C1orf159: variants seen among roughly 807,000 people sequenced by gnomAD.
C1orf159 encodes the protein uncharacterized protein C1orf159.
C1orf159 carries 19 observed loss-of-function variants against 25.6 expected under a neutral mutation model. The observed-to-expected ratio is 0.74, with a 90% CI of 0.52 to 1.09. C1orf159 has a LOEUF of 1.09. Among genes scored for constraint, C1orf159 ranks in the 50% least tolerant of loss-of-function variants. The pLI, the probability that C1orf159 is intolerant of heterozygous loss-of-function variation, is 0.00. For synonymous variants in C1orf159, 139 were observed against 124.7 expected (o/e 1.12, Z -0.77); for missense variants, 274 against 290.6 (o/e 0.94, Z 0.42).
intron 1 of C1orf159, among the ~76,000 whole-genome samples, chr1:1,101,564 T>C (rs187932368): frequency 2.3e-3 from 357 of 152,220 alleles, no homozygotes; most frequent in Admixed American, 7.7e-3. Flanking sequence ...TCATGGTCTA[T>C]CGGCTCAGGG....
chr1:1,087,083 A>G lies in C1orf159; in HGVS notation c.310+56T>C. ...AGGGTGAGGGTCTGCACTGGCTCCG[A>G]CGGCCCCCAGCCCCCAGGACACCGG... On this transcript the variant is annotated intron_variant, in intron 6 of 9. Transcript: ENST00000421241. The surrounding 1 kb of genome is among the most constrained non-coding windows in gnomAD (Gnocchi z 8.3). The G allele has an allele frequency of 3.2e-6, 5 of 1,543,662 alleles. No homozygotes were observed. The highest frequency in any genetic ancestry group is 4.4e-6 in the Non-Finnish European group (5 of 1,133,658).
At chr1:1,090,130 C>T (rs1480933991) in intron 4 of C1orf159, among the ~76,000 whole-genome samples, 1 of 152,246 alleles carries the variant, frequency 6.6e-6, no homozygotes, top group Non-Finnish European at 1.5e-5. Context: ...TCCCAGCCCT[C>T]TGCTGGGCCA....
chr1:1,106,514 C>G (rs1646172794), intron 1 of C1orf159: 1 of 152,268 alleles, frequency 6.6e-6, no homozygotes, highest in Non-Finnish European at 1.5e-5. Flanking sequence ...CGCAACTTTA[C>G]TTGTGGTTCT....
chr1:1,086,920 A>G (rs200079805), intron 6 of C1orf159, among the ~76,000 whole-genome samples: 1 of 152,218 alleles, frequency 6.6e-6, no homozygotes, highest in East Asian at 1.9e-4. Flanking sequence ...TCCCCTAACT[A>G]CGGCCCTTTA....
chr1:1,095,961 TG>T (rs1410646694), intron 1 of C1orf159, among the ~76,000 whole-genome samples: 1 of 152,208 alleles, frequency 6.6e-6, no homozygotes, highest in Admixed American at 6.5e-5. Flanking sequence ...TCTAGTAATA[TG>T]GTGACGACAA....
intron 1 of C1orf159, among the ~76,000 whole-genome samples, chr1:1,112,588 C>A (rs140733320): frequency 6.6e-6 from 1 of 151,824 alleles, no homozygotes; most frequent in African/African-American, 2.4e-5. Context: ...CTCCCTCCCC[C>A]CAGTGAATAC....
At chr1:1,101,596 A>C (rs977667849) in intron 1 of C1orf159, among the ~76,000 whole-genome samples, 1 of 151,810 alleles carries the variant, frequency 6.6e-6, no homozygotes, top group Non-Finnish European at 1.5e-5. Context: ...ACATCTATCA[A>C]TCAGCTCAGT....
Position 1,082,747 on chromosome 1 carries a change from CT to C in C1orf159, c.*145del, listed in dbSNP as rs1360917423. ...GCCCGGGACCCTTTGGCGTCCGTCG[CT>C]GGGAGGCGGAGGGACTCAGAGCCGA... On this transcript the variant is annotated 3_prime_UTR_variant, in exon 10 of 10. Coordinates refer to ENST00000421241, the MANE Select transcript of C1orf159 (RefSeq NM_017891.5). 4.1e-6 allele frequency: 3 copies of C among 725,870 alleles called. No homozygotes were observed. The highest frequency in any genetic ancestry group is 2.4e-5 in the Admixed American group (1 of 42,538). 45.0% of individuals were successfully genotyped at this position (725,870 alleles called of 1,614,324 possible).
intron 3 of C1orf159, chr1:1,091,011 C>G: frequency 1.3e-6 from 2 of 1,519,208 alleles, no homozygotes; most frequent in Non-Finnish European, 1.8e-6. Flanking sequence ...TGAGGGCGTC[C>G]AGGGGTGACT....
At chr1:1,099,810 T>G (rs960966493) in intron 1 of C1orf159, among the ~76,000 whole-genome samples, 14 of 112,944 alleles carry the variant, frequency 1.2e-4, no homozygotes, top group Non-Finnish European at 3.4e-5. Flanking sequence ...TCTCCTACTA[T>G]GATTCTGGGT....
rs1570341162 is a variant in C1orf159 at position 1,110,661 on chromosome 1, C to T, written c.-136+5399G>A. Among the ~76,000 whole-genome samples the T allele has an allele frequency of 6.6e-6, 1 of 151,858 alleles. No individual in the cohort carries two copies. Among genetic ancestry groups the T allele is most frequent in the South Asian group, 2.1e-4 (1 of 4,830 alleles). ...CTTCCACACCTGGGATGCAGCCTTC[C>T]CCCCGGGCACGTTCCCAAGAGAAAC... On this transcript the variant is annotated intron_variant, in intron 1 of 9. Transcript: ENST00000421241. This position sits in a 1 kb window ranked among gnomAD's most constrained non-coding sequence, Gnocchi z 4.8.
intron 1 of C1orf159, 198 bp from the exon 2 acceptor site, chr1:1,092,301 TGA>T: frequency 4.4e-6 from 1 of 229,438 alleles, no homozygotes; most frequent in South Asian, 4.5e-5. Flanking sequence ...CTCCTGCGGG[TGA>T]GAGTGCCTGG....
intron 1 of C1orf159, among the ~76,000 whole-genome samples, chr1:1,112,963 A>T (rs1319337259): frequency 2.0e-5 from 3 of 152,300 alleles, no homozygotes. Context: ...TGGGAGGCTG[A>T]GGTGGGTGGA....
At chr1:1,097,584 ATTT>A (rs71576596) in intron 1 of C1orf159, among the ~76,000 whole-genome samples, 2 of 126,514 alleles carry the variant, frequency 1.6e-5, no homozygotes. Context: ...AGCTCATTAA[ATTT>A]TTTTTTTTTT....
intron 1 of C1orf159, among the ~76,000 whole-genome samples, chr1:1,095,691 C>CT (rs757357945): frequency 2.6e-5 from 4 of 152,122 alleles, no homozygotes; most frequent in Non-Finnish European, 5.9e-5. Context: ...GTGGCTGGGA[C>CT]TTTGAGTATA....
rs1253177735 is a variant in C1orf159, at chr1:1,092,031, C to T, written c.-63G>A. The T allele has an allele frequency of 2.2e-6, 1 of 456,296 alleles. No homozygotes were observed. The highest frequency in any genetic ancestry group is 6.9e-5 in the East Asian group (1 of 14,402). The allele number at this position is 456,296 out of a possible 1,614,324, so 28.3% of individuals were successfully genotyped here. On this transcript the variant is annotated 5_prime_UTR_variant, in exon 2 of 10. Transcript: ENST00000421241. Reference sequence around the variant, plus strand: ...GGGGACTACCGACATCAGCCCTTTGCCCGCCTGGGTGTTCAGGGGTTAGCT... The same window carrying T: ...GGGGACTACCGACATCAGCCCTTTGTCCGCCTGGGTGTTCAGGGGTTAGCT...
At chr1:1,099,499 C>A (rs1646064181) in intron 1 of C1orf159, among the ~76,000 whole-genome samples, 1 of 135,684 alleles carries the variant, frequency 7.4e-6, no homozygotes, top group African/African-American at 3.1e-5. Flanking sequence ...AAATCTCCGA[C>A]TATGATTGTG....
At position 1,110,814 on chromosome 1, in the gene C1orf159, C is replaced by T. The variant is rs1004859712; in HGVS notation, c.-136+5246G>A. ...CCCACACCCACTCCTTGTGCAGCAC[C>T]TCAGAGGAAGCTCAACAACAGTTCT... On this transcript the variant is annotated intron_variant, in intron 1 of 9. Coordinates refer to ENST00000421241, the MANE Select transcript of C1orf159 (RefSeq NM_017891.5). The surrounding 1 kb of genome is among the most constrained non-coding windows in gnomAD (Gnocchi z 4.8). Among the ~76,000 whole-genome samples the T allele has an allele frequency of 7.9e-5, 12 of 152,220 alleles. No individual in the cohort carries two copies. The highest frequency in any genetic ancestry group is 6.2e-4 in the South Asian group (3 of 4,834).
At chr1:1,090,982 A>G in intron 3 of C1orf159, 1 of 1,549,542 alleles carries the variant, frequency 6.5e-7, no homozygotes, top group Non-Finnish European at 8.7e-7. Flanking sequence ...GTTTCTCGTG[A>G]CCTGAATGCA....
Sources: gnomAD v4.1 joint callset for allele counts (sites outside exome capture counted in the v4.1 genomes callset) on GRCh38, gnomAD v4.1.1 for gene constraint, Gnocchi (gnomAD v3.1) non-coding constraint, MANE v1.5 for transcripts, NCBI Gene and HGNC (gene_info 2026-07-23, HGNC 2026-07-21) for gene names.